The following PHLPP1 variants were observed in gnomAD, a reference collection of about 807,000 sequenced individuals.
PHLPP1 encodes the protein PH domain and leucine rich repeat protein phosphatase 1.
In PHLPP1, 42 loss-of-function variants were observed where a neutral mutation model predicts 117.2. That is an observed-to-expected ratio of 0.36 (90% CI 0.28 to 0.46). PHLPP1 has a LOEUF of 0.46. Among genes scored for constraint, PHLPP1 ranks in the 20% least tolerant of loss-of-function variants. The pLI is 1.00. For synonymous variants in PHLPP1, 1,042 were observed against 970.7 expected (o/e 1.07, Z -1.37); for missense variants, 2,084 against 2,241.9 (o/e 0.93, Z 1.42).
At position 62,978,961 on chromosome 18, in the gene PHLPP1, C is replaced by A. The variant is rs771728051; in HGVS notation, c.4684C>A (p.Arg1562=). 1.2e-6 allele frequency: 2 copies of A among 1,610,606 alleles called. No homozygotes were observed. Among genetic ancestry groups the A allele is most frequent in the Non-Finnish European group, 1.7e-6 (2 of 1,178,548 alleles). The change falls in exon 17 of 17, where the codon CGG becomes AGG. Residue 1562 remains arginine, a synonymous_variant. Transcript: ENST00000262719. The surrounding 1 kb of genome is among the most constrained non-coding windows in gnomAD (Gnocchi z 7.0). ...PIEGVFTNGS[R]VEVEVDIHCS... is the part of the protein sequence containing the mutation. ...CGAGGGCGTCTTCACCAACGGCAGC[C>A]GGGTGGAGGTGGAGGTGGACATCCA...
At position 62,923,392 on chromosome 18, in the gene PHLPP1, CT is replaced by C. The variant is rs1219185270; in HGVS notation, c.2960+3281del. 3.3e-5 allele frequency among the ~76,000 whole-genome samples: 5 copies of C among 152,104 alleles called. No homozygotes were observed. The East Asian group carries it at 9.6e-4, about 29-fold the overall frequency. On this transcript the variant is annotated intron_variant, in intron 10 of 16. Transcript: ENST00000262719. Reference sequence around the variant, plus strand: ...TTTTCAAGAAGACATACTCCTGCACCTTTGTTTTCCAAGCTGTAATTGCTAC... The same window carrying C: ...TTTTCAAGAAGACATACTCCTGCACCTTGTTTTCCAAGCTGTAATTGCTAC...
chr18:62,801,205 G>T (rs1913772491), intron 1 of PHLPP1, among the ~76,000 whole-genome samples: 1 of 150,696 alleles, frequency 6.6e-6, no homozygotes, highest in South Asian at 2.1e-4. Context: ...CCCACACCCT[G>T]CTAGTTTTTG....
At position 62,895,636 on chromosome 18, in the gene PHLPP1, A is replaced by G. The variant is rs550011245; in HGVS notation, c.2214-145A>G. On this transcript the variant is annotated intron_variant, in intron 5 of 16. Coordinates refer to ENST00000262719, the MANE Select transcript of PHLPP1 (RefSeq NM_194449.4). ...TCTGATTATTTCTCTTTGGTCCATTATTGCCTCAGGCCCTGCCCTTAGGCA... is the reference window on the plus strand; with the variant it reads ...TCTGATTATTTCTCTTTGGTCCATTGTTGCCTCAGGCCCTGCCCTTAGGCA... The G allele has an allele frequency of 1.4e-4, 84 of 613,740 alleles. No homozygotes were observed. In the African/African-American group the frequency reaches 1.4e-3, roughly 10 times the overall value. The allele number at this position is 613,740 out of a possible 1,614,324, so 38.0% of individuals were successfully genotyped here.
At chr18:62,761,228 GTTAAAAC>G (rs887367899) in intron 1 of PHLPP1, among the ~76,000 whole-genome samples, 12 of 152,192 alleles carry the variant, frequency 7.9e-5, no homozygotes, top group African/African-American at 2.9e-4. Context: ...GACAAATCTT[GTTAAAAC>G]TTAAAAGCAT....
chr18:62,761,661 A>C (rs1912242386), intron 1 of PHLPP1, among the ~76,000 whole-genome samples: 1 of 151,536 alleles, frequency 6.6e-6, no homozygotes, highest in Non-Finnish European at 1.5e-5. Flanking sequence ...ATAAAAAAAT[A>C]AAAAATAAAA....
At chr18:62,972,324 T>C (rs1911074473) in intron 14 of PHLPP1, among the ~76,000 whole-genome samples, 190 bp from the exon 15 acceptor site, 1 of 152,258 alleles carries the variant, frequency 6.6e-6, no homozygotes, top group South Asian at 2.1e-4. Flanking sequence ...GCATAATTTG[T>C]GCTCATCCTT....
intron 4 of PHLPP1, among the ~76,000 whole-genome samples, chr18:62,869,763 T>C (rs1307499528): frequency 1.3e-5 from 2 of 152,216 alleles, no homozygotes; most frequent in African/African-American, 4.8e-5. Flanking sequence ...AGATTTCTGT[T>C]TTGTTCTTTC....
chr18:62,948,211 G>A (rs760802243), intron 12 of PHLPP1, among the ~76,000 whole-genome samples: 56 of 151,792 alleles, frequency 3.7e-4, no homozygotes, highest in Non-Finnish European at 6.2e-4. Context: ...TGTAGTCCCA[G>A]CTACTTGGGA....
chr18:62,791,950 CT>C (rs375117878), intron 1 of PHLPP1, among the ~76,000 whole-genome samples: 11,250 of 145,812 alleles, frequency 0.077, 442 homozygotes, highest in Middle Eastern at 0.11. Flanking sequence ...AATGAGTACA[CT>C]TTTTTTTTTT....
chr18:62,821,548 C>CAAAAAAAAAAAAAAAAAAAAAA (rs1568127680), intron 1 of PHLPP1, among the ~76,000 whole-genome samples: 7 of 29,312 alleles, frequency 2.4e-4, no homozygotes, highest in East Asian at 1.0e-3. Flanking sequence ...GACCCTTTAT[C>CAAAAAAAAAAAAAAAAAAAAAA]CAAAAAAAAA....
rs147145085 is a variant in PHLPP1 at position 62,967,116 on chromosome 18, G to GT, written c.3560+3649dup. ...CCATAGCATGGACATATTATGGTTT[G>GT]TTTTTGTTTTACCCGTTCACCATTT... On this transcript the variant is annotated intron_variant, in intron 14 of 16. Transcript: ENST00000262719. Among the ~76,000 whole-genome samples the GT allele has an allele frequency of 5.2e-3, 796 of 152,208 alleles. 6 individuals carry two copies. Among genetic ancestry groups the GT allele is most frequent in the African/African-American group, 0.018 (756 of 41,532 alleles).
chr18:62,855,741 TAA>T (rs1420311817), intron 3 of PHLPP1, among the ~76,000 whole-genome samples: 3 of 152,210 alleles, frequency 2.0e-5, no homozygotes, highest in Non-Finnish European at 4.4e-5. Flanking sequence ...AACTTGATGT[TAA>T]ATCATTTTCT....
At chr18:62,880,895 A>G (rs1007309641) in intron 4 of PHLPP1, among the ~76,000 whole-genome samples, 1 of 152,174 alleles carries the variant, frequency 6.6e-6, no homozygotes, top group Non-Finnish European at 1.5e-5. Context: ...TAATTTACTT[A>G]CTGGACTCAT....
At position 62,785,983 on chromosome 18, in the gene PHLPP1, C is replaced by G. The variant is rs114979311; in HGVS notation, c.1577-44052C>G. Among the ~76,000 whole-genome samples, 1,182 of 152,222 alleles carry G rather than the reference C, an allele frequency of 7.8e-3. 20 individuals carry two copies. The highest frequency in any genetic ancestry group is 0.027 in the African/African-American group (1,132 of 41,522). ...ACTTCCTAAATATATCTCTTATCAC[C>G]CTCTTTGACTTTCTATCCCTGCCTT... On this transcript the variant is annotated intron_variant, in intron 1 of 16. Transcript: ENST00000262719.
At chr18:62,975,170 A>G (rs1434690787) in intron 15 of PHLPP1, among the ~76,000 whole-genome samples, 3 of 152,096 alleles carry the variant, frequency 2.0e-5, no homozygotes, top group East Asian at 1.9e-4. Context: ...GTACAGTGAT[A>G]CTGTCTTCCA....
chr18:62,979,154 C>A lies in PHLPP1; in HGVS notation c.4877C>A (p.Ser1626Tyr), dbSNP rs1314671385. 1 of 1,613,910 alleles carries A rather than the reference C, an allele frequency of 6.2e-7. No homozygotes were observed. The highest frequency in any genetic ancestry group is 8.5e-7 in the Non-Finnish European group (1 of 1,179,862). ...ATTGGGCGCCGGAGGGCCAATGGCT[C>A]TGTTGCGCCCCAGGAAAGGAGCCAC... ...GTIGRRRANG[S>Y]VAPQERSHNV... Residue 1626 changes from serine to tyrosine, a missense_variant, in exon 17 of 17, where the codon TCT becomes TAT. Physicochemically the swap from Ser to Tyr is moderately radical, Grantham distance 144. Around this residue, in one of 2 missense-constraint regions of PHLPP1, gnomAD observed 1,365 missense variants for 1,605.9 expected, o/e 0.85. Transcript: ENST00000262719.
intron 3 of PHLPP1, among the ~76,000 whole-genome samples, chr18:62,848,710 C>A (rs1363155259): frequency 6.6e-6 from 1 of 152,074 alleles, no homozygotes; most frequent in East Asian, 1.9e-4. Context: ...GCAGTCCTCC[C>A]ACCTTGGCCT....
chr18:62,932,598 G>A (rs146122014), intron 10 of PHLPP1, among the ~76,000 whole-genome samples: 25 of 152,142 alleles, frequency 1.6e-4, no homozygotes, highest in African/African-American at 5.5e-4. Flanking sequence ...AACAAACTAG[G>A]CATCAACGGA....
At chr18:62,788,447 A>G (rs1251231876) in intron 1 of PHLPP1, among the ~76,000 whole-genome samples, 1 of 152,180 alleles carries the variant, frequency 6.6e-6, no homozygotes, top group Non-Finnish European at 1.5e-5. Flanking sequence ...TTATATTGGA[A>G]TAGTGTCTTC....
Sources: gnomAD v4.1 joint callset for allele counts (sites outside exome capture counted in the v4.1 genomes callset) on GRCh38, gnomAD v4.1.1 for gene constraint, gnomAD v4.1.1 regional missense constraint, Gnocchi (gnomAD v3.1) non-coding constraint, MANE v1.5 for transcripts, NCBI Gene and HGNC (gene_info 2026-07-23, HGNC 2026-07-21) for gene names.